RAD54L2: variants seen among roughly 807,000 people sequenced by gnomAD.
RAD54L2 encodes RAD54 like 2.
A neutral mutation model predicts 138.4 loss-of-function variants in RAD54L2; 27 were observed. The ratio of observed to expected loss-of-function variants is 0.20; its 90% CI spans 0.14 to 0.27. RAD54L2 has a LOEUF of 0.27. Ranked by LOEUF, RAD54L2 falls within the 10% of genes least tolerant of loss-of-function variation. RAD54L2 has a pLI of 1.00. For synonymous variants in RAD54L2, 644 were observed against 723.2 expected (o/e 0.89, Z 1.76); for missense variants, 1,396 against 1,890.2 (o/e 0.74, Z 4.85).
At chr3:51,659,198 C>T (rs909270210) in intron 21 of RAD54L2, among the ~76,000 whole-genome samples, 7 of 149,580 alleles carry the variant, frequency 4.7e-5, no homozygotes, top group African/African-American at 1.2e-4. Context: ...CTCCACCTCC[C>T]GGGTTCATGC....
At chr3:51,577,503 G>A (rs997099978) in intron 2 of RAD54L2, among the ~76,000 whole-genome samples, 1 of 152,120 alleles carries the variant, frequency 6.6e-6, no homozygotes, top group Non-Finnish European at 1.5e-5. Context: ...GGTCTCTAAG[G>A]ACTTGCTTTA....
At chr3:51,661,385 G>A (rs983684644) in intron 22 of RAD54L2, among the ~76,000 whole-genome samples, 1 of 152,090 alleles carries the variant, frequency 6.6e-6, no homozygotes, top group Non-Finnish European at 1.5e-5. Flanking sequence ...TTGAAGGTTC[G>A]CACAGGATGA....
intron 2 of RAD54L2, among the ~76,000 whole-genome samples, chr3:51,577,448 T>TA (rs1222499077): frequency 1.3e-5 from 2 of 152,316 alleles, no homozygotes; most frequent in East Asian, 3.9e-4. Flanking sequence ...AGTGGGGTGT[T>TA]AAAATCTCCC....
intron 16 of RAD54L2, 27 bp from the exon 17 acceptor site, chr3:51,644,997 C>T: frequency 6.2e-7 from 1 of 1,611,720 alleles, no homozygotes; most frequent in South Asian, 1.1e-5. Context: ...ACTAAAGGCT[C>T]TGTGATTGTT....
chr3:51,655,899 G>C, intron 19 of RAD54L2, 72 bp from the exon 20 acceptor site: 1 of 1,371,896 alleles, frequency 7.3e-7, no homozygotes. Context: ...GCCTAGAAAG[G>C]CTCTGTAGCC....
chr3:51,572,049 C>A (rs549068159), intron 2 of RAD54L2, among the ~76,000 whole-genome samples: 2 of 152,238 alleles, frequency 1.3e-5, no homozygotes, highest in Admixed American at 1.3e-4. Flanking sequence ...TGCTAGTATT[C>A]ACTTGTCACT....
chr3:51,640,706 T>C (rs1701110873), intron 14 of RAD54L2, among the ~76,000 whole-genome samples: 3 of 152,220 alleles, frequency 2.0e-5, no homozygotes, highest in African/African-American at 7.2e-5. Context: ...GGATCACTTC[T>C]AAGGACACTG....
chr3:51,589,609 T>C (rs1699791399), intron 2 of RAD54L2, among the ~76,000 whole-genome samples: 1 of 151,946 alleles, frequency 6.6e-6, no homozygotes, highest in South Asian at 2.1e-4. Context: ...TTCTACTGAA[T>C]GTGTGTCATT....
chr3:51,652,988 A>G lies in RAD54L2; in HGVS notation c.3027-2983A>G, dbSNP rs150770143. On this transcript the variant is annotated intron_variant, in intron 19 of 22. Coordinates refer to ENST00000684192, the MANE Select transcript of RAD54L2 (RefSeq NM_015106.4). ...AAAAGAAACTACCATCAGAGTGAAC[A>G]GGCAACCTACAGAGTGGGAGAAAAT... Among the ~76,000 whole-genome samples the G allele has an allele frequency of 5.1e-3, 772 of 152,368 alleles. 5 individuals are homozygous for G. Among genetic ancestry groups the G allele is most frequent in the African/African-American group, 0.017 (719 of 41,588 alleles).
chr3:51,626,369 C>A (rs1396557054), intron 3 of RAD54L2, among the ~76,000 whole-genome samples: 1 of 150,906 alleles, frequency 6.6e-6, no homozygotes, highest in African/African-American at 2.4e-5. Context: ...CATGGATCCG[C>A]CTACTCCAAC....
rs996343960 is a variant in RAD54L2, at chr3:51,665,660, T to C, written c.*2240T>C. Reference sequence around the variant, plus strand: ...AAGAATGGATGGTGAAGGGACTCAGTTGGAGTGAGCTCTCAGGTTGAGGCT... The same window carrying C: ...AAGAATGGATGGTGAAGGGACTCAGCTGGAGTGAGCTCTCAGGTTGAGGCT... On this transcript the variant is annotated 3_prime_UTR_variant, in exon 23 of 23. Transcript: ENST00000684192. The C allele has an allele frequency of 1.3e-5, 2 of 152,182 alleles. No homozygotes were observed. The highest frequency in any genetic ancestry group is 2.4e-5 in the African/African-American group (1 of 41,432). 9.4% of individuals were successfully genotyped at this position (152,182 alleles called of 1,614,324 possible). A position where few individuals can be genotyped will look rare whatever the true frequency, so the allele number is the denominator to read the frequency against.
In RAD54L2 at chr3:51,630,317, G is replaced by A. The variant is rs776760983; in HGVS notation, c.527G>A (p.Arg176Gln). The A allele has an allele frequency of 5.0e-6, 8 of 1,613,986 alleles. No individual in the cohort carries two copies. The highest frequency in any genetic ancestry group is 1.7e-5 in the Admixed American group (1 of 60,016). The change falls in exon 6 of 23, where the codon CGG (arginine) becomes CAG (glutamine). Residue 176 changes from arginine (R) to glutamine (Q), a missense_variant. By Grantham distance (43) the Arg-to-Gln change is conservative. Coordinates refer to ENST00000684192, the MANE Select transcript of RAD54L2 (RefSeq NM_015106.4). Reference protein sequence around the residue: ...RASDGPQLPPRVLAQEVICLD... With the variant: ...RASDGPQLPPQVLAQEVICLD... ...AGTGACGGTCCCCAACTGCCTCCTC[G>A]GGTCTTGGCCCAGGAAGTCATTTGT...
intron 3 of RAD54L2, among the ~76,000 whole-genome samples, chr3:51,609,008 TC>T (rs1167130854): frequency 3.3e-5 from 5 of 152,046 alleles, no homozygotes; most frequent in African/African-American, 9.7e-5. Context: ...CTCCTGCCTC[TC>T]CCTCCTGAGT....
chr3:51,573,821 T>C (rs1386376019), intron 2 of RAD54L2, among the ~76,000 whole-genome samples: 1 of 152,190 alleles, frequency 6.6e-6, no homozygotes, highest in East Asian at 1.9e-4. Flanking sequence ...TTCCTTGTAA[T>C]TGTCTTTTAG....
intron 19 of RAD54L2, among the ~76,000 whole-genome samples, chr3:51,651,375 C>CA (rs1350869028): frequency 6.6e-6 from 1 of 152,138 alleles, no homozygotes; most frequent in African/African-American, 2.4e-5. Context: ...GAGCTGGTAC[C>CA]ATTCCTTCTG....
intron 3 of RAD54L2, among the ~76,000 whole-genome samples, chr3:51,622,387 G>A (rs187219869): frequency 2.0e-5 from 3 of 152,256 alleles, no homozygotes; most frequent in East Asian, 1.9e-4. Flanking sequence ...ATTACAGACC[G>A]GTGGTAATGG....
intron 2 of RAD54L2, among the ~76,000 whole-genome samples, chr3:51,566,279 AAC>A (rs1183751585): frequency 1.1e-4 from 17 of 152,066 alleles, no homozygotes; most frequent in Non-Finnish European, 2.2e-4. Context: ...TGTTGAGAGA[AAC>A]ACTGACTGAC....
At chr3:51,627,072 G>A (rs1317807663) in intron 3 of RAD54L2, among the ~76,000 whole-genome samples, 3 of 152,138 alleles carry the variant, frequency 2.0e-5, no homozygotes, top group African/African-American at 7.2e-5. Context: ...GAAGCGTCTA[G>A]GATATTGCTT....
intron 14 of RAD54L2, among the ~76,000 whole-genome samples, chr3:51,641,317 C>CTT (rs1377445107): frequency 1.5e-4 from 19 of 129,662 alleles, no homozygotes; most frequent in African/African-American, 3.2e-4. Flanking sequence ...GAGTTACCCC[C>CTT]TTTTTTTTTT....
Sources: gnomAD v4.1 joint callset for allele counts (sites outside exome capture counted in the v4.1 genomes callset) on GRCh38, gnomAD v4.1.1 for gene constraint, MANE v1.5 for transcripts, NCBI Gene and HGNC (gene_info 2026-07-23, HGNC 2026-07-21) for gene names.